The following ETS1 variants were observed in gnomAD, a reference collection of about 807,000 sequenced individuals.
ETS1 encodes protein C-ets-1.
A neutral mutation model predicts 58.6 loss-of-function variants in ETS1; 15 were observed. That is an observed-to-expected ratio of 0.26 (90% CI 0.17 to 0.39). The LOEUF (loss-of-function observed/expected upper bound fraction) is 0.39, where lower values mean the gene tolerates loss of function less well. ETS1 is among the 10% of genes least tolerant of loss of function. The pLI is 1.00. For missense variants in ETS1, 417 were observed against 610.5 expected, an observed-to-expected ratio of 0.68 and a Z score of 3.34; for synonymous variants, 214 against 218.2, an observed-to-expected ratio of 0.98 and a Z score of 0.17.
chr11:128,530,726 C>T (rs1364151326), intron 3 of ETS1, among the ~76,000 whole-genome samples: 1 of 152,126 alleles, frequency 6.6e-6, no homozygotes, highest in Non-Finnish European at 1.5e-5. Flanking sequence ...AAAGGGCAGT[C>T]AGCGCTCTCA....
At chr11:128,557,105 C>T (rs1864324828) in intron 2 of ETS1, among the ~76,000 whole-genome samples, 1 of 152,152 alleles carries the variant, frequency 6.6e-6, no homozygotes, top group South Asian at 2.1e-4. Flanking sequence ...GTTTAAAACC[C>T]TAGGCTTTGA....
chr11:128,483,678 C>A (rs1862549490), intron 7 of ETS1, among the ~76,000 whole-genome samples: 1 of 152,138 alleles, frequency 6.6e-6, no homozygotes, highest in African/African-American at 2.4e-5. Flanking sequence ...GATCCCTAGG[C>A]CTGCTAGGAG....
chr11:128,577,278 T>C, intron 1 of ETS1, among the ~76,000 whole-genome samples: 1 of 152,216 alleles, frequency 6.6e-6, no homozygotes, highest in East Asian at 1.9e-4. Flanking sequence ...AAATAATCAG[T>C]TTGTTTCATG....
chr11:128,471,359 G>T (rs1207935174), intron 8 of ETS1, among the ~76,000 whole-genome samples: 1 of 152,266 alleles, frequency 6.6e-6, no homozygotes, highest in African/African-American at 2.4e-5. Context: ...ATGAGGGAAA[G>T]ACCTTTGTTT....
chr11:128,549,257 GCGCCCCTCGCCCCT>G lies in ETS1; in HGVS notation c.214+7020_214+7033del, dbSNP rs531114610. On this transcript the variant is annotated intron_variant, in intron 3 of 9. Transcript: ENST00000392668. The surrounding 1 kb of genome is among the most constrained non-coding windows in gnomAD (Gnocchi z 4.3). ...GCCCGCCCCCACCCTCCACTCTCAC[GCGCCCCTCGCCCCT>G]CGCCCCTCGCCCCTCGCCCCTCTCC... Among the ~76,000 whole-genome samples, 787 of 129,656 alleles carry G rather than the reference GCGCCCCTCGCCCCT, an allele frequency of 6.1e-3. 8 individuals are homozygous for G. Among genetic ancestry groups the G allele is most frequent in the African/African-American group, 0.02 (671 of 34,028 alleles). 85.1% of individuals were successfully genotyped at this position (129,656 alleles called of 152,430 possible).
At chr11:128,556,562 A>G (rs1412269774) in intron 2 of ETS1, 127 bp from the exon 3 acceptor site, 1 of 569,792 alleles carries the variant, frequency 1.8e-6, no homozygotes, top group African/African-American at 1.9e-5. Flanking sequence ...ATGACAGAAC[A>G]GAGCCAACTC....
chr11:128,520,653 C>T (rs1863641779), intron 3 of ETS1, among the ~76,000 whole-genome samples: 1 of 152,188 alleles, frequency 6.6e-6, no homozygotes, highest in East Asian at 1.9e-4. Flanking sequence ...CCACCATCAT[C>T]CTTGCGAGGA....
Position 128,484,997 on chromosome 11 carries a change from G to C in ETS1, c.688C>G (p.Gln230Glu), listed in dbSNP as rs1398669637. Reference sequence around the variant, plus strand: ...TCCGAGCTGATGGGATGGAGCGTCTGATAGGACTCTGTGATGAAGCTGGGC... The same window carrying C: ...TCCGAGCTGATGGGATGGAGCGTCTCATAGGACTCTGTGATGAAGCTGGGC... Reference protein sequence around the residue: ...SEPSFITESYQTLHPISSEEL... With the variant: ...SEPSFITESYETLHPISSEEL... Residue 230 changes from glutamine to glutamate, a missense_variant, in exon 7 of 10, where the codon CAG becomes GAG. This residue lies in a region of ETS1 where 132 missense variants were observed against 212.1 expected (regional missense o/e 0.62). Coordinates refer to ENST00000392668, the MANE Select transcript of ETS1 (RefSeq NM_001143820.2). 6.2e-7 allele frequency: 1 copy of C among 1,613,976 alleles called. No homozygotes were observed. Among genetic ancestry groups the C allele is most frequent in the South Asian group, 1.1e-5 (1 of 91,082 alleles).
At chr11:128,505,195 T>C (rs1389586276) in intron 3 of ETS1, 2 of 152,216 alleles carry the variant, frequency 1.3e-5, no homozygotes, top group African/African-American at 4.8e-5. Flanking sequence ...CCACTACCCT[T>C]CTAGTCCTGC....
intron 3 of ETS1, among the ~76,000 whole-genome samples, chr11:128,510,189 G>A (rs190365712): frequency 1.2e-4 from 19 of 152,240 alleles, no homozygotes; most frequent in East Asian, 1.9e-4. Flanking sequence ...TCCCCACTCC[G>A]TATCATATCT....
At chr11:128,524,994 A>C (rs767265289) in intron 3 of ETS1, among the ~76,000 whole-genome samples, 15 of 151,434 alleles carry the variant, frequency 9.9e-5, no homozygotes, top group Non-Finnish European at 2.1e-4. Flanking sequence ...TGGGCAAGAT[A>C]CTTCAATACC....
Position 128,549,354 on chromosome 11 carries a change from C to G in ETS1, c.214+6937G>C, listed in dbSNP as rs1455911599. On this transcript the variant is annotated intron_variant, in intron 3 of 9. Transcript: ENST00000392668. This position sits in a 1 kb window ranked among gnomAD's most constrained non-coding sequence, Gnocchi z 4.3. ...GAAGATGTCCATTCACCCAGTGCCGCGGCCGGAGCCGAGCGGGGCCTGACG... is the reference window on the plus strand; with the variant it reads ...GAAGATGTCCATTCACCCAGTGCCGGGGCCGGAGCCGAGCGGGGCCTGACG... 6.6e-6 allele frequency among the ~76,000 whole-genome samples: 1 copy of G among 152,104 alleles called. No homozygotes were observed. Among genetic ancestry groups the G allele is most frequent in the Non-Finnish European group, 1.5e-5 (1 of 68,006 alleles).
chr11:128,458,916 T>G lies in ETS1; in HGVS notation c.*3445A>C, dbSNP rs1011537831. On this transcript the variant is annotated 3_prime_UTR_variant, in exon 10 of 10. Coordinates refer to ENST00000392668, the MANE Select transcript of ETS1 (RefSeq NM_001143820.2). This position sits in a 1 kb window ranked among gnomAD's most constrained non-coding sequence, Gnocchi z 4.3. ...AAAAACTCCGCCATAAGAATTTTTT[T>G]GCATTTTTTTTTAAAAAAACATCGA... 6.6e-6 allele frequency: 1 copy of G among 152,658 alleles called. No individual in the cohort carries two copies. The highest frequency in any genetic ancestry group is 1.5e-5 in the Non-Finnish European group (1 of 68,014). The allele number at this position is 152,658 out of a possible 1,614,324, so 9.5% of individuals were successfully genotyped here. A position where few individuals can be genotyped will look rare whatever the true frequency, so the allele number is the denominator to read the frequency against.
At chr11:128,557,693 G>T (rs539916418) in intron 2 of ETS1, among the ~76,000 whole-genome samples, 1 of 151,974 alleles carries the variant, frequency 6.6e-6, no homozygotes, top group Admixed American at 6.5e-5. Context: ...TACTCTCTTG[G>T]GTCCCTGCAC....
intron 2 of ETS1, among the ~76,000 whole-genome samples, chr11:128,558,509 G>C (rs1279383636): frequency 6.6e-6 from 1 of 152,110 alleles, no homozygotes; most frequent in Non-Finnish European, 1.5e-5. Flanking sequence ...GCCAGGCGTG[G>C]TGGTGGGCGC....
At chr11:128,531,586 C>T (rs1863898444) in intron 3 of ETS1, among the ~76,000 whole-genome samples, 1 of 152,150 alleles carries the variant, frequency 6.6e-6, no homozygotes, top group Non-Finnish European at 1.5e-5. Context: ...AAATCCTTGA[C>T]ACCATCCCTC....
At chr11:128,485,147 C>T (rs1862593457) in intron 6 of ETS1, 76 bp from the exon 7 acceptor site, 20 of 1,331,890 alleles carry the variant, frequency 1.5e-5, no homozygotes, top group Non-Finnish European at 2.1e-5. Context: ...ATCTACAGGG[C>T]CCTATGATGT....
At chr11:128,501,949 C>G (rs891053241) in intron 3 of ETS1, among the ~76,000 whole-genome samples, 1 of 151,866 alleles carries the variant, frequency 6.6e-6, no homozygotes, top group African/African-American at 2.4e-5. Flanking sequence ...AATGGTTGAG[C>G]TGGAATTCAG....
At chr11:128,568,428 G>A (rs12797048) in intron 2 of ETS1, among the ~76,000 whole-genome samples, 60,895 of 152,018 alleles carry the variant, frequency 0.4, 12,606 homozygotes, top group East Asian at 0.6. Context: ...TGGGCTTGCA[G>A]AGGCAGCATA....
Sources: allele counts gnomAD v4.1 joint callset (sites outside exome capture counted in the v4.1 genomes callset), GRCh38; gene constraint gnomAD v4.1.1; regional missense constraint gnomAD v4.1.1; non-coding constraint Gnocchi (gnomAD v3.1); transcripts MANE v1.5; gene names NCBI Gene and HGNC (gene_info 2026-07-23, HGNC 2026-07-21).